The following CECR2 variants were observed in gnomAD, a reference collection of about 807,000 sequenced individuals.
CECR2 encodes the protein chromatin remodeling regulator CECR2.
Under a neutral mutation model 154.5 loss-of-function variants are expected in CECR2, and 30 were observed. The observed-to-expected ratio is 0.19, with a 90% CI of 0.15 to 0.26. The LOEUF (loss-of-function observed/expected upper bound fraction) is 0.26, where lower values mean the gene tolerates loss of function less well. CECR2 is among the 10% of genes least tolerant of loss of function. The pLI is 1.00. For synonymous variants in CECR2, 725 were observed against 683.7 expected, an observed-to-expected ratio of 1.06 and a Z score of -0.94; for missense variants, 1,743 against 1,829.3, an observed-to-expected ratio of 0.95 and a Z score of 0.86.
chr22:17,481,254 A>G (rs1392689012), intron 2 of CECR2, among the ~76,000 whole-genome samples: 1 of 148,586 alleles, frequency 6.7e-6, no homozygotes, highest in Non-Finnish European at 1.5e-5. Context: ...GAGGCATGAG[A>G]ATGGCGTGAA....
chr22:17,497,430 G>A lies in CECR2; in HGVS notation c.249G>A (p.Glu83=), dbSNP rs200642767. The A allele has an allele frequency of 9.7e-5, 156 of 1,613,726 alleles. 1 individual carries two copies. Among genetic ancestry groups the A allele is most frequent in the Middle Eastern group, 1.6e-4 (1 of 6,072 alleles). The change falls in exon 3 of 19, where the codon GAG becomes GAA. Residue 83 remains glutamate (E), a synonymous_variant. Transcript: ENST00000262608. ...ITPQTFHSYL[E]DIINYRWELE... is the part of the protein sequence containing the mutation. ...CTCAGACATTCCACAGCTACCTAGA[G>A]GACATCATCAACTACCGCTGGGAGC...
chr22:17,452,917 G>A (rs984867034), intron 1 of CECR2, among the ~76,000 whole-genome samples: 1 of 152,042 alleles, frequency 6.6e-6, no homozygotes, highest in Non-Finnish European at 1.5e-5. Context: ...TTTAATGTCC[G>A]TGTTCCTCAT....
At chr22:17,364,615 G>A (rs1396750880), upstream of CECR2, among the ~76,000 whole-genome samples, 1 of 152,024 alleles carries the variant, frequency 6.6e-6, no homozygotes, top group Non-Finnish European at 1.5e-5. Flanking sequence ...GGAGGCCGAG[G>A]TGGGTGGATC....
intron 1 of CECR2, among the ~76,000 whole-genome samples, chr22:17,404,361 G>GTTCT (rs1404677445): frequency 4.0e-5 from 3 of 74,806 alleles, no homozygotes; most frequent in African/African-American, 1.2e-4. Context: ...TCTGGACCCT[G>GTTCT]TTCTTTCTTT....
At chr22:17,518,147 GGTAGAAGTTTTTCCA>G (rs2056092188) in intron 8 of CECR2, among the ~76,000 whole-genome samples, 2 of 152,176 alleles carry the variant, frequency 1.3e-5, no homozygotes, top group Non-Finnish European at 2.9e-5. Context: ...CTTTCTACCA[GGTAGAAGTTTTTCCA>G]GCAAAGAGAG....
At chr22:17,514,917 C>T (rs113316545) in intron 8 of CECR2, among the ~76,000 whole-genome samples, 8,876 of 151,384 alleles carry the variant, frequency 0.059, 619 homozygotes, top group African/African-American at 0.17. Context: ...CCTGTAGTCC[C>T]AGCTACTTGG....
chr22:17,500,208 C>CAA lies in CECR2; in HGVS notation c.546-405_546-404dup, dbSNP rs5844315. 6.3e-4 allele frequency among the ~76,000 whole-genome samples: 73 copies of CAA among 115,974 alleles called. 1 individual carries two copies. Among genetic ancestry groups the CAA allele is most frequent in the African/African-American group, 2.1e-3 (66 of 31,940 alleles). The allele number at this position is 115,974 out of a possible 152,430, so 76.1% of individuals were successfully genotyped here. A position where few individuals can be genotyped will look rare whatever the true frequency, so the allele number is the denominator to read the frequency against. On this transcript the variant is annotated intron_variant, in intron 4 of 18. Transcript: ENST00000262608. ...CCTGGGCGACAGAGCGAGACTCCAT[C>CAA]AAAAAAAAAAAAAAAAAAAGAATTT...
intron 9 of CECR2, among the ~76,000 whole-genome samples, chr22:17,525,286 C>CAAAAA (rs71201835): frequency 1.8e-5 from 1 of 56,576 alleles, no homozygotes; most frequent in Non-Finnish European, 2.9e-5. Context: ...ACTCCATCTC[C>CAAAAA]AAAAAAAAAA....
intron 8 of CECR2, among the ~76,000 whole-genome samples, chr22:17,517,134 C>A (rs1295064441): frequency 6.6e-6 from 1 of 152,226 alleles, no homozygotes; most frequent in Non-Finnish European, 1.5e-5. Flanking sequence ...TCCTCAGCCT[C>A]CCAAAGTGCT....
chr22:17,465,129 T>C (rs9605300), intron 1 of CECR2, among the ~76,000 whole-genome samples: 22,464 of 151,556 alleles, frequency 0.15, 1,729 homozygotes, highest in African/African-American at 0.17. Flanking sequence ...CCCGAGCAGC[T>C]GGGACTACAG....
chr22:17,518,840 G>A (rs2146948601), intron 8 of CECR2: 1 of 272,318 alleles, frequency 3.7e-6, no homozygotes, highest in South Asian at 4.4e-5. Context: ...ACTGAGAGCT[G>A]ATGTAGGAGT....
At chr22:17,360,286 C>T (rs2062969547) in intron 1 of CECR2, among the ~76,000 whole-genome samples, 1 of 152,164 alleles carries the variant, frequency 6.6e-6, no homozygotes, top group South Asian at 2.1e-4. Flanking sequence ...ATCCCTTGTG[C>T]CCGAGGAATT....
chr22:17,386,855 T>G (rs2063268750), intron 1 of CECR2, among the ~76,000 whole-genome samples: 1 of 152,078 alleles, frequency 6.6e-6, no homozygotes, highest in South Asian at 2.1e-4. Context: ...TTCATCATAT[T>G]GGTCAGGCTG....
intron 1 of CECR2, among the ~76,000 whole-genome samples, chr22:17,436,135 T>C (rs1467912632): frequency 6.6e-6 from 1 of 152,118 alleles, no homozygotes; most frequent in African/African-American, 2.4e-5. Flanking sequence ...ATTTTTTATA[T>C]TTTTAGTAGA....
chr22:17,467,859 C>G (rs1445848126), intron 1 of CECR2, among the ~76,000 whole-genome samples: 1 of 152,206 alleles, frequency 6.6e-6, no homozygotes, highest in Non-Finnish European at 1.5e-5. Context: ...CTCTTCTACA[C>G]TACCCCATGG....
intron 1 of CECR2, among the ~76,000 whole-genome samples, chr22:17,466,999 A>G (rs1020871746): frequency 6.6e-6 from 1 of 152,134 alleles, no homozygotes; most frequent in Non-Finnish European, 1.5e-5. Flanking sequence ...GAAGCTCAGT[A>G]CTTAGCAGCC....
Position 17,538,735 on chromosome 22 carries a change from GA to G in CECR2, c.1368+6del, listed in dbSNP as rs748725937. On this transcript the variant is annotated splice_donor_5th_base_variant and intron_variant, in intron 12 of 18. Transcript: ENST00000262608. ...TAACTATTATCAGATTATTAAGGTA[GA>G]AGTTGTCTTTGCAGTAATGCCTACT... is the stretch of plus-strand genomic sequence containing the variant. 24 of 1,611,956 alleles carry G rather than the reference GA, an allele frequency of 1.5e-5. 1 individual carries two copies. In the South Asian group the frequency reaches 2.3e-4, roughly 15 times the overall value.
chr22:17,477,126 T>C (rs779997285), intron 1 of CECR2: 3 of 726,222 alleles, frequency 4.1e-6, no homozygotes, highest in Non-Finnish European at 5.1e-6. Context: ...AGTGGTTCTT[T>C]AAAGCTGTTG....
At chr22:17,439,475 G>A (rs112837164) in intron 1 of CECR2, among the ~76,000 whole-genome samples, 39 of 151,968 alleles carry the variant, frequency 2.6e-4, no homozygotes, top group Non-Finnish European at 5.4e-4. Flanking sequence ...TATACAAACA[G>A]CCCAGTGGAA....
Sources: gnomAD v4.1 joint callset for allele counts (sites outside exome capture counted in the v4.1 genomes callset) on GRCh38, gnomAD v4.1.1 for gene constraint, MANE v1.5 for transcripts, NCBI Gene and HGNC (gene_info 2026-07-23, HGNC 2026-07-21) for gene names.